The following NXPE2 variants were observed in gnomAD, a reference collection of about 807,000 sequenced individuals.
The protein encoded by NXPE2 is neurexophilin and PC-esterase domain family member 2.
Under a neutral mutation model 34.4 loss-of-function variants are expected in NXPE2, and 34 were observed. The ratio of observed to expected loss-of-function variants is 0.99; its 90% confidence interval spans 0.75 to 1.31. The LOEUF (loss-of-function observed/expected upper bound fraction) is 1.31. NXPE2 is among the 40% of genes most tolerant of loss of function. The probability of loss-of-function intolerance (pLI) is 0.00; values close to 1 mark genes in which losing one functional copy is unlikely to be tolerated. For synonymous variants in NXPE2, 235 were observed against 231.3 expected (o/e 1.02, Z -0.15); for missense variants, 649 against 672.5 (o/e 0.97, Z 0.39).
the NXPE2 span, among the ~76,000 whole-genome samples, chr11:114,796,988 C>T: frequency 6.6e-6 from 1 of 152,248 alleles, no homozygotes; most frequent in South Asian, 2.1e-4. Flanking sequence ...AGATGAAGCA[C>T]AGAAAGCTGG....
At chr11:114,511,307 G>T in the NXPE2 span, among the ~76,000 whole-genome samples, 3 of 152,138 alleles carry the variant, frequency 2.0e-5, no homozygotes, top group Non-Finnish European at 2.9e-5. Flanking sequence ...ACGTGACTTC[G>T]CCTCTCACTC....
chr11:114,740,958 T>A, the NXPE2 span, among the ~76,000 whole-genome samples: 2 of 152,178 alleles, frequency 1.3e-5, no homozygotes, highest in Non-Finnish European at 2.9e-5. Context: ...TAAAGTCTAT[T>A]TTGTCTCATA....
the NXPE2 span, among the ~76,000 whole-genome samples, chr11:114,501,674 A>T: frequency 6.6e-6 from 1 of 152,164 alleles, no homozygotes; most frequent in East Asian, 1.9e-4. Flanking sequence ...AATGGATCAG[A>T]AAAGCTCCAA....
the NXPE2 span, chr11:114,582,989 G>T: frequency 1.1e-5 from 18 of 1,613,386 alleles, no homozygotes; most frequent in Non-Finnish European, 1.4e-5. Flanking sequence ...TCCAGTAATG[G>T]AGGGAGATGG....
chr11:114,662,560 G>T, the NXPE2 span, among the ~76,000 whole-genome samples: 2 of 152,148 alleles, frequency 1.3e-5, no homozygotes, highest in Non-Finnish European at 2.9e-5. Flanking sequence ...TGAGACACCA[G>T]CTGCGGTGGC....
chr11:114,574,535 A>G, the NXPE2 span, among the ~76,000 whole-genome samples: 4 of 152,182 alleles, frequency 2.6e-5, no homozygotes, highest in African/African-American at 9.6e-5. Flanking sequence ...CTGATACCAC[A>G]GAAATATGAA....
the NXPE2 span, among the ~76,000 whole-genome samples, chr11:114,669,233 A>G: frequency 1.3e-5 from 2 of 152,170 alleles, no homozygotes; most frequent in Non-Finnish European, 2.9e-5. Flanking sequence ...TCCCAAGGGC[A>G]TACAGCAAAT....
the NXPE2 span, among the ~76,000 whole-genome samples, chr11:114,720,378 G>C: frequency 6.6e-6 from 1 of 152,192 alleles, no homozygotes; most frequent in Non-Finnish European, 1.5e-5. Flanking sequence ...ATATCTGAAG[G>C]CCTGCTTCTC....
the NXPE2 span, among the ~76,000 whole-genome samples, chr11:114,720,971 A>G: frequency 6.6e-6 from 1 of 152,098 alleles, no homozygotes; most frequent in Non-Finnish European, 1.5e-5. Flanking sequence ...GACCCAGATG[A>G]ACTTGATGAG....
chr11:114,790,199 G>T, the NXPE2 span, among the ~76,000 whole-genome samples: 1 of 152,124 alleles, frequency 6.6e-6, no homozygotes, highest in Non-Finnish European at 1.5e-5. Context: ...CAATAAGGAG[G>T]ACAAGACCCC....
the NXPE2 span, among the ~76,000 whole-genome samples, chr11:114,592,035 TA>T: frequency 6.6e-6 from 1 of 152,010 alleles, no homozygotes; most frequent in Non-Finnish European, 1.5e-5. Flanking sequence ...CTCAAAACAA[TA>T]AAAAACATGT....
the NXPE2 span, among the ~76,000 whole-genome samples, chr11:114,482,597 T>C: frequency 6.6e-6 from 1 of 152,218 alleles, no homozygotes; most frequent in Non-Finnish European, 1.5e-5. Flanking sequence ...TCTTCAGTTA[T>C]TCATCCCTGT....
the NXPE2 span, among the ~76,000 whole-genome samples, chr11:114,473,808 C>A: frequency 6.6e-6 from 1 of 152,180 alleles, no homozygotes; most frequent in Non-Finnish European, 1.5e-5. Context: ...CAATTTCAGT[C>A]CTGCTGCAGA....
the NXPE2 span, among the ~76,000 whole-genome samples, chr11:114,552,447 A>T: frequency 6.6e-6 from 1 of 152,188 alleles, no homozygotes; most frequent in South Asian, 2.1e-4. Flanking sequence ...AGTGTCTAGC[A>T]TGGTGCCTGA....
the NXPE2 span, among the ~76,000 whole-genome samples, chr11:114,653,680 A>G: frequency 6.6e-6 from 1 of 150,690 alleles, no homozygotes; most frequent in Non-Finnish European, 1.5e-5. Flanking sequence ...GGCGCCCACC[A>G]CTATGCCTGG....
the NXPE2 span, among the ~76,000 whole-genome samples, chr11:114,576,736 G>A: frequency 1.3e-5 from 2 of 151,938 alleles, no homozygotes; most frequent in African/African-American, 4.8e-5. Context: ...TACACTGTTG[G>A]TGGGAATGTA....
At chr11:114,759,460 G>A in the NXPE2 span, among the ~76,000 whole-genome samples, 1 of 152,128 alleles carries the variant, frequency 6.6e-6, no homozygotes, top group South Asian at 2.1e-4. Flanking sequence ...ATAAACCATG[G>A]TAAGATTTAT....
the NXPE2 span, among the ~76,000 whole-genome samples, chr11:114,616,754 G>A: frequency 1.3e-4 from 19 of 151,602 alleles, 2 homozygotes; most frequent in East Asian, 3.9e-4. Context: ...ACGGTTAACC[G>A]GTGGATAATA....
At chr11:114,480,182 A>G in the NXPE2 span, among the ~76,000 whole-genome samples, 1 of 152,058 alleles carries the variant, frequency 6.6e-6, no homozygotes, top group Non-Finnish European at 1.5e-5. Flanking sequence ...GCCCAAAGAA[A>G]GCCTCTAGAT....
Sources: gnomAD v4.1 joint callset for allele counts (sites outside exome capture counted in the v4.1 genomes callset) on GRCh38, gnomAD v4.1.1 for gene constraint, MANE v1.5 for transcripts, NCBI Gene and HGNC (gene_info 2026-07-23, HGNC 2026-07-21) for gene names.